TMEM30A: variants seen among roughly 807,000 people sequenced by gnomAD.
The protein encoded by TMEM30A is cell division cycle 50 P4-ATPase accessory subunit A.
TMEM30A carries 24 observed loss-of-function variants against 38.2 expected under a neutral mutation model. That is an observed-to-expected ratio of 0.63 (90% CI 0.46 to 0.88). The LOEUF (loss-of-function observed/expected upper bound fraction) is 0.88. Among genes scored for constraint, TMEM30A ranks in the 40% least tolerant of loss-of-function variants. TMEM30A has a pLI of 0.00. For missense variants in TMEM30A, 370 were observed against 458.6 expected (o/e 0.81, Z 1.77); for synonymous variants, 145 against 161.6 (o/e 0.90, Z 0.78).
At chr6:75,260,560 G>C (rs900437331) in intron 4 of TMEM30A, among the ~76,000 whole-genome samples, 2 of 152,132 alleles carry the variant, frequency 1.3e-5, no homozygotes, top group Non-Finnish European at 2.9e-5. Flanking sequence ...TCAGTGGGAA[G>C]GTCAGCCTGA....
intron 5 of TMEM30A, 49 bp downstream of exon 5, chr6:75,259,298 C>G: frequency 6.5e-7 from 1 of 1,538,536 alleles, no homozygotes; most frequent in Non-Finnish European, 8.8e-7. Context: ...TAAAATACTT[C>G]ATTAAAACTC....
intron 3 of TMEM30A, among the ~76,000 whole-genome samples, chr6:75,261,710 C>A (rs999376193): frequency 6.6e-6 from 1 of 152,104 alleles, no homozygotes; most frequent in African/African-American, 2.4e-5. Flanking sequence ...ATTAAGAGGA[C>A]CCTAATTAGA....
chr6:75,274,295 A>G (rs1328601429), intron 1 of TMEM30A, among the ~76,000 whole-genome samples: 2 of 152,220 alleles, frequency 1.3e-5, no homozygotes, highest in African/African-American at 4.8e-5. Flanking sequence ...ATGTGGCTAG[A>G]AAAGCAGAAA....
At chr6:75,266,323 A>G (rs1422854979) in intron 2 of TMEM30A, among the ~76,000 whole-genome samples, 2 of 152,236 alleles carry the variant, frequency 1.3e-5, no homozygotes, top group African/African-American at 2.4e-5. Flanking sequence ...CCCATTCTAT[A>G]TAAAGAAAAT....
At chr6:75,272,021 T>G (rs1042489459) in intron 1 of TMEM30A, among the ~76,000 whole-genome samples, 1 of 152,166 alleles carries the variant, frequency 6.6e-6, no homozygotes, top group Non-Finnish European at 1.5e-5. Context: ...CAAGGTATAT[T>G]TAAGGACAAT....
chr6:75,260,024 A>G (rs1771935652), intron 4 of TMEM30A, among the ~76,000 whole-genome samples: 1 of 152,226 alleles, frequency 6.6e-6, no homozygotes, highest in African/African-American at 2.4e-5. Flanking sequence ...AAATAACAGT[A>G]TCTTGGATAT....
chr6:75,264,240 T>A (rs1208528540), intron 3 of TMEM30A, among the ~76,000 whole-genome samples: 1 of 152,232 alleles, frequency 6.6e-6, no homozygotes, highest in Non-Finnish European at 1.5e-5. Context: ...CCCATGCTGC[T>A]CACAACATAG....
At chr6:75,260,163 T>G (rs1245083919) in intron 4 of TMEM30A, among the ~76,000 whole-genome samples, 1 of 152,060 alleles carries the variant, frequency 6.6e-6, no homozygotes, top group African/African-American at 2.4e-5. Context: ...CCCAGCAACT[T>G]GGGAGGCCGA....
Position 75,278,827 on chromosome 6 carries a change from A to G in TMEM30A, c.237+5575T>C, listed in dbSNP as rs544669241. Among the ~76,000 whole-genome samples the G allele has an allele frequency of 2.2e-3, 340 of 152,034 alleles. 1 individual carries two copies. The highest frequency in any genetic ancestry group is 3.4e-3 in the Middle Eastern group (1 of 294). On this transcript the variant is annotated intron_variant, in intron 1 of 6. Transcript: ENST00000230461. ...GCTCTTACTCCTATTTTATCTATAC[A>G]CTTTTTGATTTCCTGCCACTAGATC...
rs1355844860 is a variant in TMEM30A, at chr6:75,284,784, G to A, written c.-146C>T. On this transcript the variant is annotated 5_prime_UTR_variant, in exon 1 of 7. Transcript: ENST00000230461. Reference sequence around the variant, plus strand: ...CCGCCACAGCCACCTCCGCTGTAGAGCGGAAGAGGCGGGACACTCTTCCGC... The same window carrying A: ...CCGCCACAGCCACCTCCGCTGTAGAACGGAAGAGGCGGGACACTCTTCCGC... The A allele has an allele frequency of 8.0e-6, 6 of 750,184 alleles. No individual in the cohort carries two copies. Among genetic ancestry groups the A allele is most frequent in the Non-Finnish European group, 1.4e-5 (6 of 443,596 alleles). The allele number at this position is 750,184 out of a possible 1,614,324, so 46.5% of individuals were successfully genotyped here.
At chr6:75,277,410 C>A (rs1772281096) in intron 1 of TMEM30A, among the ~76,000 whole-genome samples, 1 of 151,394 alleles carries the variant, frequency 6.6e-6, no homozygotes, top group African/African-American at 2.4e-5. Context: ...AGTATACTCT[C>A]AAAAAATGTT....
intron 4 of TMEM30A, among the ~76,000 whole-genome samples, chr6:75,260,503 T>C (rs540675176): frequency 6.6e-6 from 1 of 152,352 alleles, no homozygotes; most frequent in East Asian, 1.9e-4. Context: ...CAGATAGTGC[T>C]GCTCTAAATG....
At chr6:75,282,860 A>G (rs1772381490) in intron 1 of TMEM30A, among the ~76,000 whole-genome samples, 1 of 152,194 alleles carries the variant, frequency 6.6e-6, no homozygotes, top group Non-Finnish European at 1.5e-5. Flanking sequence ...CAAGAAACTG[A>G]GCTGGTTAGT....
chr6:75,280,035 T>C (rs1025870171), intron 1 of TMEM30A, among the ~76,000 whole-genome samples: 28 of 152,322 alleles, frequency 1.8e-4, no homozygotes, highest in African/African-American at 6.7e-4. Context: ...GAGACCTTAA[T>C]GAAGACAAAA....
rs111774019 is a variant in TMEM30A at position 75,268,966 on chromosome 6, A to G, written c.238-1218T>C. ...AGATCTGGCCTGATCGCTAAATTGAAAGGCTTTTTTTTCCACCATAAACAT... is the reference window on the plus strand; with the variant it reads ...AGATCTGGCCTGATCGCTAAATTGAGAGGCTTTTTTTTCCACCATAAACAT... On this transcript the variant is annotated intron_variant, in intron 1 of 6. Coordinates refer to ENST00000230461, the MANE Select transcript of TMEM30A (RefSeq NM_018247.4). Among the ~76,000 whole-genome samples the G allele has an allele frequency of 1.5e-3, 227 of 152,292 alleles. 2 individuals carry two copies. Among genetic ancestry groups the G allele is most frequent in the African/African-American group, 5.4e-3 (225 of 41,548 alleles).
At chr6:75,269,371 G>C (rs1772127510) in intron 1 of TMEM30A, among the ~76,000 whole-genome samples, 1 of 152,142 alleles carries the variant, frequency 6.6e-6, no homozygotes, top group African/African-American at 2.4e-5. Context: ...GTACTTTCCA[G>C]AATGTTATAT....
intron 1 of TMEM30A, among the ~76,000 whole-genome samples, chr6:75,279,841 A>G (rs1265940384): frequency 6.6e-6 from 1 of 152,220 alleles, no homozygotes; most frequent in Non-Finnish European, 1.5e-5. Context: ...GAAAACTTCC[A>G]TTTTGAATGT....
intron 1 of TMEM30A, among the ~76,000 whole-genome samples, chr6:75,274,898 C>T (rs905844229): frequency 1.3e-5 from 2 of 151,886 alleles, no homozygotes; most frequent in Non-Finnish European, 2.9e-5. Context: ...GTAGTCCCAG[C>T]TACTCAGGAG....
intron 1 of TMEM30A, among the ~76,000 whole-genome samples, chr6:75,278,892 C>G (rs1036966039): frequency 6.6e-6 from 1 of 152,084 alleles, no homozygotes; most frequent in African/African-American, 2.4e-5. Context: ...TGCATCCAAA[C>G]CTCCCCTAAA....
Sources: gnomAD v4.1 joint callset for allele counts (sites outside exome capture counted in the v4.1 genomes callset) on GRCh38, gnomAD v4.1.1 for gene constraint, MANE v1.5 for transcripts, NCBI Gene and HGNC (gene_info 2026-07-23, HGNC 2026-07-21) for gene names.